LPGAT1: variants seen among roughly 807,000 people sequenced by gnomAD.
LPGAT1 encodes acyl-CoA:lysophosphatidylglycerol acyltransferase 1.
A neutral mutation model predicts 47.5 loss-of-function variants in LPGAT1; 11 were observed. The ratio of observed to expected loss-of-function variants is 0.23; its 90% CI spans 0.15 to 0.38. LPGAT1 has a LOEUF of 0.38. Ranked by LOEUF, LPGAT1 falls within the 10% of genes least tolerant of loss-of-function variation. The probability of loss-of-function intolerance (pLI) is 1.00; values close to 1 mark genes in which losing one functional copy is unlikely to be tolerated. For missense variants in LPGAT1, 293 were observed against 439.0 expected, an observed-to-expected ratio of 0.67 and a Z score of 2.97; for synonymous variants, 138 against 144.2, an observed-to-expected ratio of 0.96 and a Z score of 0.31.
At chr1:211,756,104 C>T (rs1477034734) in intron 6 of LPGAT1, among the ~76,000 whole-genome samples, 2 of 152,136 alleles carry the variant, frequency 1.3e-5, no homozygotes, top group Non-Finnish European at 2.9e-5. Context: ...GGCATAGTGG[C>T]ACGTGCCTGT....
At chr1:211,797,243 G>A (rs1347370848) in intron 2 of LPGAT1, among the ~76,000 whole-genome samples, 1 of 151,572 alleles carries the variant, frequency 6.6e-6, no homozygotes, top group Non-Finnish European at 1.5e-5. Context: ...GTGACAAAGC[G>A]AGACTCTGTC....
rs541040700 is a variant in LPGAT1 at position 211,746,809 on chromosome 1, A to G, written c.*3090T>C. Reference sequence around the variant, plus strand: ...TCCATTACTTACAGGTTTCTCTGCAATTTAAGTACAGTTCACCACCAATAA... The same window carrying G: ...TCCATTACTTACAGGTTTCTCTGCAGTTTAAGTACAGTTCACCACCAATAA... On this transcript the variant is annotated 3_prime_UTR_variant, in exon 8 of 8. Coordinates refer to ENST00000366997, the MANE Select transcript of LPGAT1 (RefSeq NM_014873.3). 3.3e-5 allele frequency: 5 copies of G among 152,254 alleles called. No individual in the cohort carries two copies. Among genetic ancestry groups the G allele is most frequent in the Admixed American group, 3.3e-4 (5 of 15,294 alleles). The allele number at this position is 152,254 out of a possible 1,614,324, so 9.4% of individuals were successfully genotyped here.
intron 6 of LPGAT1, among the ~76,000 whole-genome samples, chr1:211,769,064 G>A (rs1339182837): frequency 6.6e-6 from 1 of 152,142 alleles, no homozygotes; most frequent in African/African-American, 2.4e-5. Context: ...AAGCCATGAT[G>A]GAATTCTGAG....
intron 2 of LPGAT1, among the ~76,000 whole-genome samples, chr1:211,804,165 C>T (rs1040447332): frequency 2.6e-5 from 4 of 152,192 alleles, no homozygotes; most frequent in East Asian, 1.9e-4. Context: ...CTCAACCTCC[C>T]GAGCTCAAAT....
intron 2 of LPGAT1, among the ~76,000 whole-genome samples, chr1:211,812,014 G>A (rs1011253229): frequency 4.6e-5 from 7 of 152,292 alleles, no homozygotes; most frequent in African/African-American, 1.7e-4. Context: ...AACTTCCACA[G>A]ATCTTCATTT....
At chr1:211,801,562 A>T (rs1017983309) in intron 2 of LPGAT1, among the ~76,000 whole-genome samples, 1 of 152,028 alleles carries the variant, frequency 6.6e-6, no homozygotes, top group African/African-American at 2.4e-5. Context: ...AAAATTTTTA[A>T]AAGAACTTAA....
At chr1:211,771,332 T>C (rs537585033) in intron 6 of LPGAT1, among the ~76,000 whole-genome samples, 3 of 152,232 alleles carry the variant, frequency 2.0e-5, no homozygotes, top group African/African-American at 7.2e-5. Context: ...AATGATGAAA[T>C]CACCTAATTT....
intron 3 of LPGAT1, chr1:211,792,213 C>T (rs1662586657): frequency 6.6e-6 from 1 of 151,556 alleles, no homozygotes; most frequent in Non-Finnish European, 1.5e-5. Context: ...GCTCCATTTC[C>T]ACCCTGGGCT....
chr1:211,774,962 A>T (rs912915871), intron 6 of LPGAT1, among the ~76,000 whole-genome samples: 12 of 151,980 alleles, frequency 7.9e-5, no homozygotes, highest in African/African-American at 2.7e-4. Flanking sequence ...TACTTAAATA[A>T]TTTTTTTTTA....
At position 211,749,792 on chromosome 1, in the gene LPGAT1, C is replaced by A. The variant is rs1571686024; in HGVS notation, c.*107G>T. 7.0e-6 allele frequency: 8 copies of A among 1,148,048 alleles called. No homozygotes were observed. In the East Asian group the frequency reaches 1.4e-4, roughly 20 times the overall value. The allele number at this position is 1,148,048 out of a possible 1,614,324, so 71.1% of individuals were successfully genotyped here. A position where few individuals can be genotyped will look rare whatever the true frequency, so the allele number is the denominator to read the frequency against. The stretch of plus-strand genomic sequence containing the variant: ...AAATATTAATCCATCCATTGAATTT[C>A]TTTTGCTTTTTTTTAAATATATTCT... On this transcript the variant is annotated 3_prime_UTR_variant, in exon 8 of 8. Coordinates refer to ENST00000366997, the MANE Select transcript of LPGAT1 (RefSeq NM_014873.3).
At chr1:211,826,449 C>T (rs1251094121) in intron 2 of LPGAT1, among the ~76,000 whole-genome samples, 1 of 152,102 alleles carries the variant, frequency 6.6e-6, no homozygotes, top group Non-Finnish European at 1.5e-5. Flanking sequence ...ATACAGTAGC[C>T]ACTAGCCACC....
chr1:211,798,945 G>A lies in LPGAT1; in HGVS notation c.239-5755C>T, dbSNP rs77728911. On this transcript the variant is annotated intron_variant, in intron 2 of 7. Transcript: ENST00000366997. ...AACAGCTGACTACCTAGAAAAGAGA[G>A]GGAGGGAGGGCAATCATACATAGAG... 4.8e-4 allele frequency among the ~76,000 whole-genome samples: 73 copies of A among 152,242 alleles called. 3 individuals are homozygous for A. The East Asian group carries it at 0.011, about 22-fold the overall frequency.
intron 6 of LPGAT1, among the ~76,000 whole-genome samples, chr1:211,762,462 A>G (rs1467954367): frequency 6.6e-6 from 1 of 152,202 alleles, no homozygotes; most frequent in African/African-American, 2.4e-5. Context: ...CTCAAGAGCA[A>G]TCTACTTCTA....
chr1:211,798,370 G>A (rs1361311027), intron 2 of LPGAT1, among the ~76,000 whole-genome samples: 1 of 152,140 alleles, frequency 6.6e-6, no homozygotes, highest in Non-Finnish European at 1.5e-5. Flanking sequence ...TGTGTCATAT[G>A]AAAATCAGTC....
At chr1:211,751,566 G>A (rs898335480) in intron 6 of LPGAT1, among the ~76,000 whole-genome samples, 1 of 152,078 alleles carries the variant, frequency 6.6e-6, no homozygotes, top group Non-Finnish European at 1.5e-5. Context: ...ATGAATAGGG[G>A]TAACTTTTAC....
chr1:211,762,800 AAAT>A (rs1657752541), intron 6 of LPGAT1, among the ~76,000 whole-genome samples: 1 of 152,200 alleles, frequency 6.6e-6, no homozygotes, highest in Admixed American at 6.5e-5. Context: ...AAAAAATGTA[AAAT>A]AATACTTAGC....
rs1274685398 is a variant in LPGAT1, at chr1:211,778,368, A to T, written c.854+550T>A. Among the ~76,000 whole-genome samples the T allele has an allele frequency of 1.9e-3, 287 of 151,694 alleles. 3 individuals are homozygous for T. Among genetic ancestry groups the T allele is most frequent in the African/African-American group, 6.6e-3 (271 of 41,306 alleles). The stretch of plus-strand genomic sequence containing the variant: ...AAAAAAAAAAAAAAAAAAAAAAAAA[A>T]AAAAAAGGAAGGCATGAATAATCCA... On this transcript the variant is annotated intron_variant, in intron 6 of 7. Transcript: ENST00000366997.
At position 211,830,338 on chromosome 1, in the gene LPGAT1, C is replaced by T; in HGVS notation, c.-28+235G>A. ...TACTCCCCTCGCGGCTGCCTGCGGA[C>T]AGAGGGACGGCGGGGACTCAGAGGC... On this transcript the variant is annotated intron_variant, in intron 1 of 7. Coordinates refer to ENST00000366997, the MANE Select transcript of LPGAT1 (RefSeq NM_014873.3). The surrounding 1 kb of genome is among the most constrained non-coding windows in gnomAD (Gnocchi z 5.9). The T allele has an allele frequency of 8.8e-7, 1 of 1,136,498 alleles. No individual in the cohort carries two copies. The highest frequency in any genetic ancestry group is 1.1e-6 in the Non-Finnish European group (1 of 927,056). The allele number at this position is 1,136,498 out of a possible 1,614,324, so 70.4% of individuals were successfully genotyped here.
intron 5 of LPGAT1, among the ~76,000 whole-genome samples, chr1:211,779,469 T>C (rs1658546998): frequency 6.6e-6 from 1 of 152,190 alleles, no homozygotes; most frequent in African/African-American, 2.4e-5. Flanking sequence ...CCAAGACTTA[T>C]GATACTGAGG....
Sources: gnomAD v4.1 joint callset for allele counts (sites outside exome capture counted in the v4.1 genomes callset) on GRCh38, gnomAD v4.1.1 for gene constraint, Gnocchi (gnomAD v3.1) non-coding constraint, MANE v1.5 for transcripts, NCBI Gene and HGNC (gene_info 2026-07-23, HGNC 2026-07-21) for gene names.